Variants in ZNF675 observed in about 807,000 individuals in gnomAD.
The protein encoded by ZNF675 is TRAF6 inhibitory zinc finger.
Under a neutral mutation model 56.1 loss-of-function variants are expected in ZNF675, and 36 were observed. The ratio of observed to expected loss-of-function variants is 0.64; its 90% CI spans 0.49 to 0.85. The LOEUF is 0.85. ZNF675 is among the 40% of genes least tolerant of loss of function. The pLI, the probability that ZNF675 is intolerant of heterozygous loss-of-function variation, is 0.00. For missense variants in ZNF675, 663 were observed against 654.2 expected, an observed-to-expected ratio of 1.01 and a Z score of -0.15; for synonymous variants, 200 against 218.9, an observed-to-expected ratio of 0.91 and a Z score of 0.76.
intron 1 of ZNF675, among the ~76,000 whole-genome samples, chr19:23,667,212 C>A (rs1968163930): frequency 6.6e-6 from 1 of 152,022 alleles, no homozygotes; most frequent in African/African-American, 2.4e-5. Flanking sequence ...TCCCGGTGGG[C>A]TCGTGGTGTC....
intron 1 of ZNF675, among the ~76,000 whole-genome samples, chr19:23,683,587 G>A (rs8103995): frequency 0.97 from 147,712 of 152,050 alleles, 71,910 homozygotes; most frequent in Middle Eastern, 1. Flanking sequence ...ATGCCCGGCT[G>A]ATTTTTGTAT....
intron 1 of ZNF675, 103 bp downstream of exon 1, chr19:23,686,928 T>G (rs1228162376): frequency 7.1e-7 from 1 of 1,404,462 alleles, no homozygotes; most frequent in East Asian, 2.3e-5. Context: ...GGGTGCAGAT[T>G]GTGGAGCTGA....
In ZNF675 at chr19:23,654,121, A is replaced by C; in HGVS notation, c.812T>G (p.Leu271Arg). 1.9e-6 allele frequency: 3 copies of C among 1,613,984 alleles called. No homozygotes were observed. The highest frequency in any genetic ancestry group is 2.5e-6 in the Non-Finnish European group (3 of 1,180,008). Residue 271 changes from leucine (L) to arginine (R), a missense_variant, in exon 4 of 4, where the codon CTT (leucine) becomes CGT (arginine). Coordinates refer to ENST00000359788, the MANE Select transcript of ZNF675 (RefSeq NM_138330.3). ...TGTATGAATTATCTTATGTGTAGTA[A>C]GGTGTGAGGACTGGTTAAAGGCTTT... is the stretch of plus-strand genomic sequence containing the variant. ...CGKAFNQSSH[L>R]TTHKIIHTGE...
Position 23,653,212 on chromosome 19 carries a change from T to C in ZNF675, c.*14A>G, listed in dbSNP as rs199944113. ...TTATATTTAGAAAAATTTGAGGTGT[T>C]GTCAAAATCATTATCACACATTCCA... On this transcript the variant is annotated 3_prime_UTR_variant, in exon 4 of 4. Transcript: ENST00000359788. 1.1e-4 allele frequency: 166 copies of C among 1,547,134 alleles called. 1 individual carries two copies. Among genetic ancestry groups the C allele is most frequent in the Non-Finnish European group, 1.7e-5 (20 of 1,150,820 alleles).
chr19:23,658,900 T>TATAG lies in ZNF675; in HGVS notation c.226+3213_226+3214insCTAT, dbSNP rs1555706364. On this transcript the variant is annotated intron_variant, in intron 3 of 3. Coordinates refer to ENST00000359788, the MANE Select transcript of ZNF675 (RefSeq NM_138330.3). The stretch of plus-strand genomic sequence containing the variant: ...ATATCTATAGATATAGATCTATAGA[T>TATAG]ATCTATAGATAGATATAGATCTATA... Among the ~76,000 whole-genome samples the TATAG allele has an allele frequency of 3.7e-3, 89 of 24,182 alleles. 2 individuals carry two copies. The highest frequency in any genetic ancestry group is 6.7e-3 in the Non-Finnish European group (59 of 8,748). The allele number at this position is 24,182 out of a possible 152,430, so 15.9% of individuals were successfully genotyped here.
At chr19:23,657,670 T>A (rs954341572) in intron 3 of ZNF675, among the ~76,000 whole-genome samples, 30 of 152,072 alleles carry the variant, frequency 2.0e-4, no homozygotes, top group African/African-American at 6.0e-4. Context: ...TGGGCGGAGA[T>A]CACACCACTG....
chr19:23,660,791 C>T (rs1968065746), intron 3 of ZNF675, among the ~76,000 whole-genome samples: 1 of 152,018 alleles, frequency 6.6e-6, no homozygotes, highest in African/African-American at 2.4e-5. Flanking sequence ...GACTCCCTAT[C>T]AAAATTCCAG....
rs1968454388 is a variant in ZNF675 at position 23,687,114 on chromosome 19, C to T, written c.-81G>A. 1 of 1,560,168 alleles carries T rather than the reference C, an allele frequency of 6.4e-7. No individual in the cohort carries two copies. The highest frequency in any genetic ancestry group is 1.7e-5 in the Admixed American group (1 of 59,260). ...GGTCACAGGCCCACAGAGGCTGGAC[C>T]TCTAGGAGCAGAGGACACAGAGCAA... On this transcript the variant is annotated 5_prime_UTR_variant, in exon 1 of 4. Coordinates refer to ENST00000359788, the MANE Select transcript of ZNF675 (RefSeq NM_138330.3).
intron 3 of ZNF675, among the ~76,000 whole-genome samples, chr19:23,657,548 T>C (rs1968004447): frequency 6.6e-6 from 1 of 152,090 alleles, no homozygotes; most frequent in Admixed American, 6.6e-5. Context: ...AAACCTCGTC[T>C]CTACTAAAAA....
chr19:23,666,778 C>CTCTT (rs772869911), intron 1 of ZNF675, among the ~76,000 whole-genome samples: 95 of 63,440 alleles, frequency 1.5e-3, no homozygotes, highest in Middle Eastern at 6.8e-3. Flanking sequence ...CTCTCTTTTT[C>CTCTT]TCTTTCTCTC....
chr19:23,669,318 A>AC (rs71165862), intron 1 of ZNF675, among the ~76,000 whole-genome samples: 147,868 of 152,206 alleles, frequency 0.97, 71,990 homozygotes, highest in Middle Eastern at 1. Context: ...CCCAGGGTGA[A>AC]TCACATGTTT....
At chr19:23,673,322 G>C (rs1353926779) in intron 1 of ZNF675, among the ~76,000 whole-genome samples, 1 of 149,946 alleles carries the variant, frequency 6.7e-6, no homozygotes, top group African/African-American at 2.5e-5. Flanking sequence ...ATGCACACCT[G>C]TTACTCTAAT....
chr19:23,653,471 C>T lies in ZNF675; in HGVS notation c.1462G>A (p.Ala488Thr). 1.9e-6 allele frequency: 3 copies of T among 1,612,938 alleles called. No individual in the cohort carries two copies. The highest frequency in any genetic ancestry group is 2.5e-6 in the Non-Finnish European group (3 of 1,179,856). ...GTAAGGGATGAGGAGTGTTTAAAAG[C>T]TTTGCCACATTCTTCACACTTGTAG... ...IPYKCEECGK[A>T]FKHSSSLTTH... Residue 488 changes from alanine to threonine, a missense_variant, in exon 4 of 4, where the codon GCT becomes ACT. By Grantham distance (58) the Ala-to-Thr change is moderately conservative (BLOSUM62 0). Around this residue, in one of 3 missense-constraint regions of ZNF675, gnomAD observed 617 missense variants for 590.5 expected, o/e 1.04. Coordinates refer to ENST00000359788, the MANE Select transcript of ZNF675 (RefSeq NM_138330.3).
intron 1 of ZNF675, 111 bp downstream of exon 1, chr19:23,686,920 G>A: frequency 7.5e-7 from 1 of 1,325,340 alleles, no homozygotes; most frequent in East Asian, 2.3e-5. Context: ...AGAACTCGGG[G>A]TGCAGATTGT....
intron 1 of ZNF675, among the ~76,000 whole-genome samples, chr19:23,685,017 T>C (rs1272030551): frequency 6.6e-6 from 1 of 152,150 alleles, no homozygotes; most frequent in Non-Finnish European, 1.5e-5. Flanking sequence ...TAGTTTTTCT[T>C]TTTTTGAGAT....
intron 1 of ZNF675, among the ~76,000 whole-genome samples, chr19:23,675,505 A>G (rs1219152478): frequency 6.6e-6 from 1 of 151,344 alleles, no homozygotes; most frequent in Non-Finnish European, 1.5e-5. Context: ...TATCAACAAC[A>G]TACTCAGACC....
At chr19:23,677,890 C>T (rs925792811) in intron 1 of ZNF675, among the ~76,000 whole-genome samples, 2 of 150,116 alleles carry the variant, frequency 1.3e-5, no homozygotes, top group Non-Finnish European at 3.0e-5. Context: ...GAGGCCGAGG[C>T]GGGTGGATCA....
chr19:23,671,753 C>A (rs996240776), intron 1 of ZNF675, among the ~76,000 whole-genome samples: 1 of 151,558 alleles, frequency 6.6e-6, no homozygotes, highest in South Asian at 2.1e-4. Context: ...TGACAGGGAC[C>A]ATGACTGCTT....
At chr19:23,666,965 C>G (rs1405515831) in intron 1 of ZNF675, among the ~76,000 whole-genome samples, 1 of 152,082 alleles carries the variant, frequency 6.6e-6, no homozygotes, top group Non-Finnish European at 1.5e-5. Flanking sequence ...GAGACTGTGT[C>G]CGGAATTGGT....
Sources: gnomAD v4.1 joint callset for allele counts (sites outside exome capture counted in the v4.1 genomes callset) on GRCh38, gnomAD v4.1.1 for gene constraint, gnomAD v4.1.1 regional missense constraint, MANE v1.5 for transcripts, NCBI Gene and HGNC (gene_info 2026-07-23, HGNC 2026-07-21) for gene names.